Variants in BPIFA2 observed in about 807,000 individuals in gnomAD.
BPIFA2 encodes the protein BPI fold containing family A member 2.
BPIFA2 carries 20 observed loss-of-function variants against 25.7 expected under a neutral mutation model. The observed-to-expected ratio is 0.78, with a 90% CI of 0.55 to 1.13. The LOEUF is 1.13. Among genes scored for constraint, BPIFA2 ranks in the 50% most tolerant of loss-of-function variants. BPIFA2 has a pLI of 0.00. For missense variants in BPIFA2, 300 were observed against 298.1 expected (o/e 1.01, Z -0.05); for synonymous variants, 126 against 124.3 (o/e 1.01, Z -0.09).
At chr20:33,173,663 C>G (rs550019831) in intron 3 of BPIFA2, among the ~76,000 whole-genome samples, 7 of 152,278 alleles carry the variant, frequency 4.6e-5, no homozygotes, top group African/African-American at 1.7e-4. Flanking sequence ...CACCACCACG[C>G]CCGGCTAATT....
rs1228351709 is a variant in BPIFA2 at position 33,172,930 on chromosome 20, AG to A, written c.158del. 14 of 1,611,612 alleles carry A rather than the reference AG, an allele frequency of 8.7e-6. No homozygotes were observed. Among genetic ancestry groups the A allele is most frequent in the Middle Eastern group, 1.7e-4 (1 of 6,048 alleles). The stretch of plus-strand genomic sequence containing the variant: ...ACACAAAATGGCGATTGTTTTTGGC[AG>A]GCATCCTTGAGAAACTGAAGGTCGA... On this transcript the variant is annotated splice_acceptor_variant, in intron 2 of 8. Transcript: ENST00000354932. LOFTEE classifies it high-confidence loss of function.
chr20:33,179,716 G>C, intron 7 of BPIFA2, 49 bp downstream of exon 7: 1 of 1,512,722 alleles, frequency 6.6e-7, no homozygotes, highest in Non-Finnish European at 9.2e-7. Context: ...ATGGAGCTCT[G>C]TGCCCACCCC....
At chr20:33,170,443 A>G (rs1399783558) in intron 2 of BPIFA2, among the ~76,000 whole-genome samples, 1 of 152,044 alleles carries the variant, frequency 6.6e-6, no homozygotes, top group East Asian at 1.9e-4. Context: ...ACAAGGTCTC[A>G]CTCTGTCACC....
intron 6 of BPIFA2, among the ~76,000 whole-genome samples, chr20:33,178,982 T>G (rs1320988703): frequency 6.6e-6 from 1 of 152,176 alleles, no homozygotes; most frequent in Admixed American, 6.5e-5. Context: ...ATTTGACCCT[T>G]TAAAATTCCA....
upstream of BPIFA2, among the ~76,000 whole-genome samples, chr20:33,167,733 G>A (rs7268823): frequency 5.3e-5 from 8 of 152,044 alleles, no homozygotes; most frequent in Non-Finnish European, 1.0e-4. Context: ...GACCCATCTC[G>A]GTCCCTGTCT....
intron 5 of BPIFA2, 51 bp downstream of exon 5, chr20:33,175,610 C>G (rs757246239): frequency 6.3e-7 from 1 of 1,583,792 alleles, no homozygotes; most frequent in East Asian, 2.3e-5. Context: ...ACTTGAGGAC[C>G]CCTAATTTCA....
intron 2 of BPIFA2, 83 bp from the exon 3 acceptor site, chr20:33,172,849 G>C: frequency 7.1e-7 from 1 of 1,413,490 alleles, no homozygotes; most frequent in Non-Finnish European, 9.6e-7. Context: ...AATAACATAG[G>C]CAAACAGTCT....
rs2146455276 is a variant in BPIFA2, at chr20:33,175,440, C to T, written c.444C>T (p.Ala148=). 1.2e-6 allele frequency: 2 copies of T among 1,613,942 alleles called. No individual in the cohort carries two copies. The highest frequency in any genetic ancestry group is 1.1e-5 in the South Asian group (1 of 91,048). ...TTGGCCAGATTATCAACCTGAAAGC[C>T]TCCTTGGACCTCCTGACCGCAGTCA... ...PIIGQIINLK[A]SLDLLTAVTI... The change falls in exon 5 of 9, where the codon GCC becomes GCT. Residue 148 remains alanine (A), a synonymous_variant. Coordinates refer to ENST00000354932, the MANE Select transcript of BPIFA2 (RefSeq NM_080574.4).
intron 8 of BPIFA2, 47 bp from the exon 9 acceptor site, chr20:33,181,177 A>C (rs1984268294): frequency 6.6e-6 from 1 of 152,528 alleles, no homozygotes; most frequent in African/African-American, 2.4e-5. Flanking sequence ...GCTGGGTGTA[A>C]GGGCAGCCTA....
chr20:33,168,182 G>C lies in BPIFA2; in HGVS notation c.-43G>C, dbSNP rs1983781662. The C allele has an allele frequency of 6.6e-6, 1 of 152,248 alleles. No homozygotes were observed. 9.4% of individuals were successfully genotyped at this position (152,248 alleles called of 1,614,324 possible). ...CCAGCAGACTGTGCAGTGGGGCAAGGATTTCATGAGCATCCTCCTCTAAAC... is the reference window on the plus strand; with the variant it reads ...CCAGCAGACTGTGCAGTGGGGCAAGCATTTCATGAGCATCCTCCTCTAAAC... On this transcript the variant is annotated 5_prime_UTR_variant, in exon 1 of 9. Coordinates refer to ENST00000354932, the MANE Select transcript of BPIFA2 (RefSeq NM_080574.4).
chr20:33,169,343 C>T, intron 2 of BPIFA2, 41 bp downstream of exon 2: 2 of 1,595,582 alleles, frequency 1.3e-6, no homozygotes, highest in Non-Finnish European at 1.7e-6. Context: ...CCTAAATTAG[C>T]CTCCTAAACA....
Position 33,179,617 on chromosome 20 carries a change from T to A in BPIFA2, c.659T>A (p.Ile220Asn). 1.2e-6 allele frequency: 2 copies of A among 1,612,306 alleles called. No homozygotes were observed. Among genetic ancestry groups the A allele is most frequent in the Non-Finnish European group, 1.7e-6 (2 of 1,178,488 alleles). The change falls in exon 7 of 9, where the codon ATC (isoleucine) becomes AAC (asparagine). Residue 220 changes from isoleucine to asparagine, a missense_variant. Coordinates refer to ENST00000354932, the MANE Select transcript of BPIFA2 (RefSeq NM_080574.4). ...SLLQKEICPL[I>N]RIFIHSLDVN... Reference sequence around the variant, plus strand: ...CTCCGCTGTCAGATATGTCCACTGATCCGCATCTTCATCCACTCCCTGGAT... The same window carrying A: ...CTCCGCTGTCAGATATGTCCACTGAACCGCATCTTCATCCACTCCCTGGAT...
At chr20:33,170,748 G>GTCC (rs1056461966) in intron 2 of BPIFA2, among the ~76,000 whole-genome samples, 1 of 152,154 alleles carries the variant, frequency 6.6e-6, no homozygotes. Flanking sequence ...AAGACACTTT[G>GTCC]TCCTCCTCCT....
In BPIFA2 at chr20:33,169,272, G is replaced by T. The variant is rs6059139; in HGVS notation, c.127G>T (p.Gly43Ter). ...TAAGCTGGAACCTGTTCTTCACGAG[G>T]GACTTGAGACAGTTGACAATACTCT... is the stretch of plus-strand genomic sequence containing the variant. ...VDKLEPVLHE[G>*]LETVDNTLKG... Residue 43 changes from glycine (G) to a stop codon, truncating the protein, a stop_gained, in exon 2 of 9, where the codon GGA (glycine) becomes TGA (stop). Coordinates refer to ENST00000354932, the MANE Select transcript of BPIFA2 (RefSeq NM_080574.4). LOFTEE classifies it high-confidence loss of function. The T allele has an allele frequency of 1.9e-6, 3 of 1,614,058 alleles. No homozygotes were observed. The East Asian group carries it at 6.7e-5, about 36-fold the overall frequency.
At position 33,175,471 on chromosome 20, in the gene BPIFA2, G is replaced by A; in HGVS notation, c.475G>A (p.Glu159Lys). 3.1e-6 allele frequency: 5 copies of A among 1,614,078 alleles called. No individual in the cohort carries two copies. The highest frequency in any genetic ancestry group is 4.2e-6 in the Non-Finnish European group (5 of 1,179,956). ...SLDLLTAVTI[E>K]TDPQTHQPVA... ...GGACCTCCTGACCGCAGTCACAATT[G>A]AAACTGATCCCCAGACACACCAGCC... Residue 159 changes from glutamate to lysine, a missense_variant, in exon 5 of 9, where the codon GAA becomes AAA. Transcript: ENST00000354932.
upstream of BPIFA2, among the ~76,000 whole-genome samples, chr20:33,165,679 C>G (rs1487365964): frequency 1.3e-5 from 2 of 152,220 alleles, no homozygotes; most frequent in East Asian, 3.8e-4. Flanking sequence ...AGTCACGCAG[C>G]AGGTAGGATG....
In BPIFA2 at chr20:33,179,667, G is replaced by A. The variant is rs148058609; in HGVS notation, c.709G>A (p.Asp237Asn). The A allele has an allele frequency of 5.1e-4, 824 of 1,609,072 alleles. 1 individual carries two copies. The highest frequency in any genetic ancestry group is 6.7e-4 in the Non-Finnish European group (792 of 1,175,742). ...LDVNVIQQVV[D>N]NPQHKTQLQT... ...TGTGAATGTCATTCAGCAGGTCGTC[G>A]GTAAGTCAATGGGGAAGTGGGGACC... is the stretch of plus-strand genomic sequence containing the variant. The change falls in exon 7 of 9, where the codon GAT becomes AAT. Residue 237 changes from aspartate to asparagine, a missense_variant and splice_region_variant. Physicochemically the swap from Asp to Asn is conservative, Grantham distance 23. Coordinates refer to ENST00000354932, the MANE Select transcript of BPIFA2 (RefSeq NM_080574.4).
In BPIFA2 at chr20:33,171,922, T is replaced by C. The variant is rs201980529; in HGVS notation, c.158-1010T>C. 2.5e-4 allele frequency among the ~76,000 whole-genome samples: 38 copies of C among 152,250 alleles called. No individual in the cohort carries two copies. In the East Asian group the frequency reaches 7.1e-3, roughly 29 times the overall value. On this transcript the variant is annotated intron_variant, in intron 2 of 8. Coordinates refer to ENST00000354932, the MANE Select transcript of BPIFA2 (RefSeq NM_080574.4). ...CAGAGGAATATAAAACATTCTACTA[T>C]AAAGACACATGTACACATATGTTTA... is the stretch of plus-strand genomic sequence containing the variant.
chr20:33,179,843 C>A (rs1022088560), intron 7 of BPIFA2, among the ~76,000 whole-genome samples, 176 bp downstream of exon 7: 4 of 152,160 alleles, frequency 2.6e-5, no homozygotes, highest in African/African-American at 9.7e-5. Context: ...GCTTTTGGGT[C>A]TACAGGCATG....
Sources: allele counts gnomAD v4.1 joint callset (sites outside exome capture counted in the v4.1 genomes callset), GRCh38; gene constraint gnomAD v4.1.1; transcripts MANE v1.5; gene names NCBI Gene and HGNC (gene_info 2026-07-23, HGNC 2026-07-21).